Variants in SREK1IP1 observed in about 807,000 individuals in gnomAD.
The protein encoded by SREK1IP1 is SREK1 interacting protein 1.
Under a neutral mutation model 22.8 loss-of-function variants are expected in SREK1IP1, and 12 were observed. That is an observed-to-expected ratio of 0.53 (90% confidence interval 0.34 to 0.85). The LOEUF is 0.85. Among genes scored for constraint, SREK1IP1 ranks in the 40% least tolerant of loss-of-function variants. The pLI is 0.02. For missense variants in SREK1IP1, 147 were observed against 171.8 expected (o/e 0.86, Z 0.81); for synonymous variants, 53 against 52.7 (o/e 1.01, Z -0.02).
At chr5:64,768,441 TA>T (rs1743105080) in intron 1 of SREK1IP1, 63 bp downstream of exon 1, 1 of 1,559,438 alleles carries the variant, frequency 6.4e-7, no homozygotes, top group African/African-American at 1.3e-5. Flanking sequence ...CGCCGCACCC[TA>T]CCCTACCCTC....
chr5:64,724,270 A>C lies in SREK1IP1; in HGVS notation c.*114T>G. 1 of 914,444 alleles carries C rather than the reference A, an allele frequency of 1.1e-6. No homozygotes were observed. The highest frequency in any genetic ancestry group is 1.6e-6 in the Non-Finnish European group (1 of 618,708). The allele number at this position is 914,444 out of a possible 1,614,324, so 56.6% of individuals were successfully genotyped here. On this transcript the variant is annotated 3_prime_UTR_variant, in exon 5 of 5. Coordinates refer to ENST00000513458, the MANE Select transcript of SREK1IP1 (RefSeq NM_173829.4). The stretch of plus-strand genomic sequence containing the variant: ...ATGGTCCCAAATACGAAAAATGTCT[A>C]TATGGAAAAGGCTGTGATTTATTGC...
intron 2 of SREK1IP1, 42 bp downstream of exon 2, chr5:64,754,273 A>T (rs2112108011): frequency 6.3e-7 from 1 of 1,591,966 alleles, no homozygotes; most frequent in East Asian, 2.2e-5. Flanking sequence ...CCATGATTCC[A>T]GTATGAATAA....
rs74385357 is a variant in SREK1IP1 at position 64,754,477 on chromosome 5, G to T, written c.14-115C>A. The T allele has an allele frequency of 0.013, 13,106 of 989,680 alleles. 1,083 individuals carry two copies. The African/African-American group carries it at 0.21, about 16-fold the overall frequency. The allele number at this position is 989,680 out of a possible 1,614,324, so 61.3% of individuals were successfully genotyped here. On this transcript the variant is annotated intron_variant, in intron 1 of 4. Coordinates refer to ENST00000513458, the MANE Select transcript of SREK1IP1 (RefSeq NM_173829.4). ...TTTGTTATAGAATTTCTTTTTTTTT[G>T]TTGTTGAGACAAGGTGTCACTCTGT...
At chr5:64,735,023 T>A (rs1742436291) in intron 3 of SREK1IP1, among the ~76,000 whole-genome samples, 1 of 151,934 alleles carries the variant, frequency 6.6e-6, no homozygotes, top group South Asian at 2.1e-4. Context: ...TATCATTAAG[T>A]ATGATGTAAC....
chr5:64,748,609 C>G (rs1200184122), intron 2 of SREK1IP1, among the ~76,000 whole-genome samples: 2 of 152,126 alleles, frequency 1.3e-5, no homozygotes, highest in Non-Finnish European at 2.9e-5. Flanking sequence ...TAACCCTGGG[C>G]CTCAGTTTTC....
At chr5:64,758,079 T>C (rs1742879425) in intron 1 of SREK1IP1, among the ~76,000 whole-genome samples, 2 of 151,800 alleles carry the variant, frequency 1.3e-5, no homozygotes, top group South Asian at 4.2e-4. Flanking sequence ...GGTTTCACCA[T>C]GTTAGCCAGG....
intron 2 of SREK1IP1, among the ~76,000 whole-genome samples, chr5:64,750,968 T>C (rs577709905): frequency 2.0e-5 from 3 of 152,194 alleles, no homozygotes; most frequent in Non-Finnish European, 4.4e-5. Flanking sequence ...CAATGTTTTG[T>C]ACCTCTCTCA....
chr5:64,726,654 C>T (rs1037335454), intron 4 of SREK1IP1, among the ~76,000 whole-genome samples: 1 of 151,886 alleles, frequency 6.6e-6, no homozygotes, highest in Non-Finnish European at 1.5e-5. Flanking sequence ...CTATCTGAAG[C>T]TGAAAATACA....
intron 3 of SREK1IP1, among the ~76,000 whole-genome samples, chr5:64,738,618 C>T (rs555103672): frequency 2.0e-5 from 3 of 152,178 alleles, no homozygotes; most frequent in African/African-American, 4.8e-5. Flanking sequence ...TAGTATTGTA[C>T]TGACATAAAG....
intron 3 of SREK1IP1, among the ~76,000 whole-genome samples, chr5:64,734,406 ATT>A (rs549808991): frequency 6.6e-6 from 1 of 151,284 alleles, no homozygotes; most frequent in South Asian, 2.1e-4. Flanking sequence ...TGGCTTGTCA[ATT>A]TTTTTTATTT....
chr5:64,728,361 T>G (rs1172219615), intron 3 of SREK1IP1, among the ~76,000 whole-genome samples, 182 bp from the exon 4 acceptor site: 1 of 152,212 alleles, frequency 6.6e-6, no homozygotes, highest in African/African-American at 2.4e-5. Flanking sequence ...AAGTATTAAA[T>G]GTTTTTTATA....
At chr5:64,744,972 C>T (rs1016915734) in intron 2 of SREK1IP1, among the ~76,000 whole-genome samples, 1 of 152,162 alleles carries the variant, frequency 6.6e-6, no homozygotes, top group Admixed American at 6.6e-5. Flanking sequence ...TGCTTCACAG[C>T]CTTTTTAAGG....
intron 1 of SREK1IP1, among the ~76,000 whole-genome samples, chr5:64,763,693 C>T (rs955219764): frequency 6.6e-6 from 1 of 152,160 alleles, no homozygotes; most frequent in Non-Finnish European, 1.5e-5. Context: ...GTAATCAACC[C>T]TCTAATTATT....
chr5:64,757,299 G>A (rs1742859016), intron 1 of SREK1IP1, among the ~76,000 whole-genome samples: 1 of 152,158 alleles, frequency 6.6e-6, no homozygotes, highest in African/African-American at 2.4e-5. Flanking sequence ...GGGAGGCTGA[G>A]GTAGGAGGAT....
In SREK1IP1 at chr5:64,720,864, A is replaced by G. The variant is rs1742150801; in HGVS notation, c.*3520T>C. ...CTTACACATTACAGTTCAAGCTCCC[A>G]AACACGGAACACACGACTCCTTCCT... On this transcript the variant is annotated 3_prime_UTR_variant, in exon 5 of 5. Transcript: ENST00000513458. The G allele has an allele frequency of 1.3e-5, 2 of 152,216 alleles. No homozygotes were observed. Among genetic ancestry groups the G allele is most frequent in the African/African-American group, 4.8e-5 (2 of 41,448 alleles). 9.4% of individuals were successfully genotyped at this position (152,216 alleles called of 1,614,324 possible).
intron 1 of SREK1IP1, among the ~76,000 whole-genome samples, chr5:64,758,940 CT>C (rs1038010118): frequency 6.6e-6 from 1 of 152,202 alleles, no homozygotes; most frequent in Non-Finnish European, 1.5e-5. Context: ...CTTCATTAGT[CT>C]TTAATTTTCG....
rs1242665577 is a variant in SREK1IP1 at position 64,768,529 on chromosome 5, G to A, written c.-12C>T. ...CCTGGGACTGCCATGACGGTGGTAA[G>A]AGGGGTAACTCGAGCCTCTGGCTTT... On this transcript the variant is annotated 5_prime_UTR_variant, in exon 1 of 5. Transcript: ENST00000513458. 1.2e-6 allele frequency: 2 copies of A among 1,614,058 alleles called. No individual in the cohort carries two copies. Among genetic ancestry groups the A allele is most frequent in the South Asian group, 1.1e-5 (1 of 91,082 alleles).
chr5:64,725,614 G>C (rs1468720402), intron 4 of SREK1IP1, among the ~76,000 whole-genome samples: 1 of 151,996 alleles, frequency 6.6e-6, no homozygotes, highest in Non-Finnish European at 1.5e-5. Flanking sequence ...CCTTATTTTT[G>C]TAATGTTGTG....
chr5:64,757,034 A>AT (rs528911454), intron 1 of SREK1IP1, among the ~76,000 whole-genome samples: 242 of 152,354 alleles, frequency 1.6e-3, no homozygotes, highest in African/African-American at 5.5e-3. Flanking sequence ...AAAAACAAAT[A>AT]TAATTTTAAA....
Sources: gnomAD v4.1 joint callset for allele counts (sites outside exome capture counted in the v4.1 genomes callset) on GRCh38, gnomAD v4.1.1 for gene constraint, MANE v1.5 for transcripts, NCBI Gene and HGNC (gene_info 2026-07-23, HGNC 2026-07-21) for gene names.